SCN8A: variants seen among roughly 807,000 people sequenced by gnomAD.
SCN8A encodes sodium channel protein type 8 subunit alpha.
Under a neutral mutation model 184.1 loss-of-function variants are expected in SCN8A, and 30 were observed. The ratio of observed to expected loss-of-function variants is 0.16; its 90% confidence interval spans 0.12 to 0.22. SCN8A has a LOEUF of 0.22. Among genes scored for constraint, SCN8A ranks in the 10% least tolerant of loss-of-function variants. The pLI is 1.00. For synonymous variants in SCN8A, 852 were observed against 907.0 expected (o/e 0.94, Z 1.09); for missense variants, 1,057 against 2,498.9 (o/e 0.42, Z 12.30).
At chr12:51,730,206 A>G (rs1404201465) in intron 12 of SCN8A, among the ~76,000 whole-genome samples, 1 of 152,098 alleles carries the variant, frequency 6.6e-6, no homozygotes, top group East Asian at 1.9e-4. Context: ...ATTTATCTCA[A>G]ATTAATTTTT....
chr12:51,797,409 T>TAAG (rs55684287), intron 26 of SCN8A, among the ~76,000 whole-genome samples: 101,716 of 151,712 alleles, frequency 0.67, 35,186 homozygotes, highest in Non-Finnish European at 0.76. Context: ...CTTAACAAAA[T>TAAG]GAGGAAATAC....
chr12:51,793,318 C>T (rs1202731995), intron 25 of SCN8A, among the ~76,000 whole-genome samples: 1 of 152,014 alleles, frequency 6.6e-6, no homozygotes, highest in Non-Finnish European at 1.5e-5. Context: ...GGCTTGAGAG[C>T]CTGGATGAAT....
At chr12:51,713,157 G>C (rs1195814831) in intron 11 of SCN8A, 1 of 1,212,644 alleles carries the variant, frequency 8.2e-7, no homozygotes, top group Non-Finnish European at 1.2e-6. Flanking sequence ...TTTCAATCTT[G>C]CCATACTTTT....
chr12:51,761,888 T>G (rs1483803248), intron 14 of SCN8A, among the ~76,000 whole-genome samples: 1 of 152,030 alleles, frequency 6.6e-6, no homozygotes, highest in Non-Finnish European at 1.5e-5. Flanking sequence ...ACCCAAGATA[T>G]TATGTATTCT....
rs1941787074 is a variant in SCN8A, at chr12:51,706,532, C to T, written c.1452C>T (p.Ser484=). 6.2e-7 allele frequency: 1 copy of T among 1,605,826 alleles called. No homozygotes were observed. ...PRSSSEISKL[S]SKSAKERRNR... ...GCTCTTCTGAAATCTCTAAACTCAG[C>T]TCAAAGAGTGCAAAGGAAAGACGTA... is the stretch of plus-strand genomic sequence containing the variant. Residue 484 remains serine (S), a synonymous_variant, in exon 11 of 27, where the codon AGC becomes AGT. Transcript: ENST00000627620.
chr12:51,767,256 C>T (rs1344079109), intron 16 of SCN8A, among the ~76,000 whole-genome samples: 31 of 152,164 alleles, frequency 2.0e-4, no homozygotes. Context: ...TCTTCACTCT[C>T]CTGTTCTTAT....
chr12:51,727,175 A>G (rs760627694), intron 12 of SCN8A, among the ~76,000 whole-genome samples: 4 of 152,176 alleles, frequency 2.6e-5, no homozygotes, highest in South Asian at 2.1e-4. Flanking sequence ...TAAATGCCCA[A>G]ATAAACAGCA....
chr12:51,689,142 T>A, intron 6 of SCN8A, 46 bp downstream of exon 6: 1 of 1,356,006 alleles, frequency 7.4e-7, no homozygotes, highest in Non-Finnish European at 1.0e-6. Flanking sequence ...ATCTCCTCTT[T>A]CTCCTCCATT....
At chr12:51,689,150 A>G (rs1941466956) in intron 6 of SCN8A, 54 bp downstream of exon 6, 6 of 1,311,222 alleles carry the variant, frequency 4.6e-6, no homozygotes, top group Non-Finnish European at 6.4e-6. Context: ...TTTCTCCTCC[A>G]TTCGTTTTGT....
chr12:51,646,400 T>C (rs1940590668), intron 1 of SCN8A, among the ~76,000 whole-genome samples: 1 of 152,248 alleles, frequency 6.6e-6, no homozygotes, highest in Admixed American at 6.5e-5. Flanking sequence ...GGCTGCATTC[T>C]AGTAAAACTT....
chr12:51,767,023 C>A (rs1355231415), intron 16 of SCN8A, among the ~76,000 whole-genome samples: 3 of 152,132 alleles, frequency 2.0e-5, no homozygotes, highest in Non-Finnish European at 4.4e-5. Flanking sequence ...CAGTAAAAGG[C>A]TCCTACTCAC....
intron 6 of SCN8A, among the ~76,000 whole-genome samples, chr12:51,693,165 A>G (rs1278263929): frequency 6.6e-6 from 1 of 152,154 alleles, no homozygotes; most frequent in East Asian, 1.9e-4. Context: ...GAATGTGGCA[A>G]TTTCTGCTGC....
At chr12:51,771,642 G>A (rs1311219437) in intron 19 of SCN8A, among the ~76,000 whole-genome samples, 3 of 152,192 alleles carry the variant, frequency 2.0e-5, no homozygotes, top group Non-Finnish European at 2.9e-5. Context: ...ACACAGGAAG[G>A]TGTCAGGATT....
chr12:51,787,390 T>G (rs1468441601), intron 22 of SCN8A, among the ~76,000 whole-genome samples: 1 of 152,234 alleles, frequency 6.6e-6, no homozygotes, highest in Non-Finnish European at 1.5e-5. Context: ...TGCTTAGTTT[T>G]CACTGCCTCT....
chr12:51,715,342 A>C (rs780776311), intron 11 of SCN8A, among the ~76,000 whole-genome samples: 12 of 152,092 alleles, frequency 7.9e-5, no homozygotes, highest in Non-Finnish European at 1.3e-4. Flanking sequence ...GAATAGTCTG[A>C]TGTATTAGAT....
chr12:51,594,813 G>C (rs1365395713), intron 1 of SCN8A, among the ~76,000 whole-genome samples: 2 of 152,012 alleles, frequency 1.3e-5, no homozygotes, highest in African/African-American at 4.8e-5. Flanking sequence ...CATAGAGAGG[G>C]AAAGAAGCGC....
Position 51,721,852 on chromosome 12 carries a change from G to A in SCN8A, c.1942G>A (p.Val648Met). The A allele has an allele frequency of 6.2e-7, 1 of 1,603,932 alleles. No individual in the cohort carries two copies. Among genetic ancestry groups the A allele is most frequent in the Non-Finnish European group, 8.5e-7 (1 of 1,179,790 alleles). ...CAACAGCACGGTGGACTGCAACGGC[G>A]TGGTGTCCCTCATCGGCGGCCCCGG... ...KRNSTVDCNG[V>M]VSLIGGPGSH... is the part of the protein sequence containing the mutation. Residue 648 changes from valine to methionine, a missense_variant, in exon 12 of 27, where the codon GTG becomes ATG. Val to Met is a conservative substitution (Grantham distance 21). Transcript: ENST00000627620.
intron 12 of SCN8A, among the ~76,000 whole-genome samples, chr12:51,731,354 G>A (rs976917701): frequency 1.3e-5 from 2 of 151,902 alleles, no homozygotes; most frequent in African/African-American, 2.4e-5. Flanking sequence ...ATGTTCAAGC[G>A]ATTCTCCTGC....
rs1178772976 is a variant in SCN8A at position 51,769,005 on chromosome 12, G to T, written c.3042G>T (p.Lys1014Asn). The T allele has an allele frequency of 1.9e-6, 3 of 1,614,000 alleles. No homozygotes were observed. Among genetic ancestry groups the T allele is most frequent in the Non-Finnish European group, 2.5e-6 (3 of 1,179,896 alleles). ...IKKGVAWTKL[K>N]VHAFMQAHFK... ...AGGGTGTGGCCTGGACCAAACTAAA[G>T]GTGCACGCCTTCATGCAGGCCCACT... The change falls in exon 17 of 27, where the codon AAG (lysine) becomes AAT (asparagine). Residue 1014 changes from lysine (K) to asparagine (N), a missense_variant. By Grantham distance (94) the Lys-to-Asn change is moderately conservative. Coordinates refer to ENST00000627620, the MANE Select transcript of SCN8A (RefSeq NM_001330260.2).
Sources: allele counts gnomAD v4.1 joint callset (sites outside exome capture counted in the v4.1 genomes callset), GRCh38; gene constraint gnomAD v4.1.1; transcripts MANE v1.5; gene names NCBI Gene and HGNC (gene_info 2026-07-23, HGNC 2026-07-21).